SIL1: variants seen among roughly 807,000 people sequenced by gnomAD.
SIL1 encodes SIL1 nucleotide exchange factor, also known as nucleotide exchange factor SIL1.
A neutral mutation model predicts 49.1 loss-of-function variants in SIL1; 40 were observed. The ratio of observed to expected loss-of-function variants is 0.81; its 90% confidence interval spans 0.63 to 1.06. The LOEUF (loss-of-function observed/expected upper bound fraction) is 1.06. Ranked by LOEUF, SIL1 falls within the 50% of genes least tolerant of loss-of-function variation. The probability of loss-of-function intolerance (pLI) is 0.00; values close to 1 mark genes in which losing one functional copy is unlikely to be tolerated. For missense variants in SIL1, 500 were observed against 572.6 expected, an observed-to-expected ratio of 0.87 and a Z score of 1.29; for synonymous variants, 253 against 250.8, an observed-to-expected ratio of 1.01 and a Z score of -0.08.
chr5:139,010,206 A>C (rs1561826929), intron 7 of SIL1, among the ~76,000 whole-genome samples: 1 of 147,320 alleles, frequency 6.8e-6, no homozygotes, highest in Non-Finnish European at 1.5e-5. Context: ...GCTTCATTTC[A>C]TTCATTTCAT....
At chr5:139,037,519 T>C (rs1000348526) in intron 5 of SIL1, among the ~76,000 whole-genome samples, 8 of 152,346 alleles carry the variant, frequency 5.3e-5, no homozygotes, top group South Asian at 2.1e-4. Flanking sequence ...CCTAAAGCTC[T>C]GTTATTTTTT....
intron 3 of SIL1, among the ~76,000 whole-genome samples, chr5:139,115,253 T>A (rs561635697): frequency 6.5e-4 from 99 of 152,294 alleles, no homozygotes; most frequent in African/African-American, 2.2e-3. Flanking sequence ...TAATAAAAAA[T>A]ATGTGTAGTC....
At position 139,127,867 on chromosome 5, in the gene SIL1, C is replaced by T. The variant is rs1352979395; in HGVS notation, c.-10-14G>A. 1.3e-6 allele frequency: 2 copies of T among 1,500,912 alleles called. No homozygotes were observed. Among genetic ancestry groups the T allele is most frequent in the Non-Finnish European group, 1.8e-6 (2 of 1,091,522 alleles). 93.0% of individuals were successfully genotyped at this position (1,500,912 alleles called of 1,614,324 possible). Reference sequence around the variant, plus strand: ...ATAGTCAGGGACCTGCAGGTGCAAGCATAGACAACAGAAGGTCAATGAAAA... The same window carrying T: ...ATAGTCAGGGACCTGCAGGTGCAAGTATAGACAACAGAAGGTCAATGAAAA... On this transcript the variant is annotated splice_polypyrimidine_tract_variant and intron_variant, in intron 1 of 9. Coordinates refer to ENST00000394817, the MANE Select transcript of SIL1 (RefSeq NM_022464.5).
intron 1 of SIL1, among the ~76,000 whole-genome samples, chr5:139,174,301 C>T (rs1156323414): frequency 4.6e-5 from 7 of 151,542 alleles, no homozygotes; most frequent in South Asian, 4.2e-4. Flanking sequence ...GTTCAAGACC[C>T]GTCTGGGCAA....
At chr5:139,155,799 C>G (rs1751397166) in intron 1 of SIL1, among the ~76,000 whole-genome samples, 1 of 151,912 alleles carries the variant, frequency 6.6e-6, no homozygotes, top group Non-Finnish European at 1.5e-5. Flanking sequence ...CACAGGAGGC[C>G]AAGGCAGGCA....
rs1344657477 is a variant in SIL1 at position 139,021,250 on chromosome 5, C to A, written c.688G>T (p.Val230Leu). 1 of 1,614,196 alleles carries A rather than the reference C, an allele frequency of 6.2e-7. No homozygotes were observed. ...QDLLSFGGLQ[V>L]VINGLNSTEP... ...GTGCTGTTCAGCCCATTGATCACCA[C>A]TTGAAGACCACCAAAGGAAAGCAGG... Residue 230 changes from valine to leucine, a missense_variant, in exon 7 of 10, where the codon GTG becomes TTG. Transcript: ENST00000394817.
At chr5:139,056,128 A>G (rs1439482513) in intron 3 of SIL1, among the ~76,000 whole-genome samples, 5 of 147,280 alleles carry the variant, frequency 3.4e-5, no homozygotes, top group South Asian at 4.4e-4. Flanking sequence ...CTGCTTGGCC[A>G]CCCATCGTCT....
At chr5:138,974,968 A>T (rs528470656) in intron 7 of SIL1, among the ~76,000 whole-genome samples, 2 of 152,358 alleles carry the variant, frequency 1.3e-5, no homozygotes, top group African/African-American at 4.8e-5. Flanking sequence ...AGAGATATAC[A>T]GCAACAAGCT....
At chr5:139,064,583 C>T (rs1389348279) in intron 3 of SIL1, among the ~76,000 whole-genome samples, 1 of 152,210 alleles carries the variant, frequency 6.6e-6, no homozygotes, top group East Asian at 1.9e-4. Context: ...TAATGACAAT[C>T]CAAATTTTCT....
At chr5:138,990,058 G>A (rs892125500) in intron 7 of SIL1, among the ~76,000 whole-genome samples, 14 of 152,160 alleles carry the variant, frequency 9.2e-5, no homozygotes, top group African/African-American at 3.4e-4. Flanking sequence ...TAGGCACCAG[G>A]GCTTGCGTCT....
intron 7 of SIL1, among the ~76,000 whole-genome samples, chr5:138,966,517 G>A (rs1184317944): frequency 6.6e-6 from 1 of 152,008 alleles, no homozygotes; most frequent in African/African-American, 2.4e-5. Flanking sequence ...GTAGGGGGGT[G>A]GTGACTTTCC....
chr5:139,160,143 TCACACACA>T (rs57028301), intron 1 of SIL1, among the ~76,000 whole-genome samples: 4,210 of 137,792 alleles, frequency 0.031, 61 homozygotes, highest in Middle Eastern at 0.043. Context: ...ATTTCCACAA[TCACACACA>T]CACACACACA....
At chr5:138,978,189 T>C (rs1767433678) in intron 7 of SIL1, among the ~76,000 whole-genome samples, 1 of 137,904 alleles carries the variant, frequency 7.3e-6, no homozygotes, top group South Asian at 2.7e-4. Flanking sequence ...TGCCCCCCCA[T>C]ACCTATTACT....
chr5:139,001,944 C>T (rs1767993451), intron 7 of SIL1, among the ~76,000 whole-genome samples: 1 of 151,380 alleles, frequency 6.6e-6, no homozygotes, highest in Non-Finnish European at 1.5e-5. Context: ...GGAGTGATGG[C>T]TCACGGCTGT....
chr5:139,113,111 G>C (rs1770906359), intron 3 of SIL1, among the ~76,000 whole-genome samples: 1 of 151,796 alleles, frequency 6.6e-6, no homozygotes, highest in Admixed American at 6.6e-5. Context: ...TGCTCGTTAA[G>C]AGTCATCACC....
At chr5:139,132,772 G>A (rs112625609) in intron 1 of SIL1, among the ~76,000 whole-genome samples, 108 of 152,298 alleles carry the variant, frequency 7.1e-4, no homozygotes, top group African/African-American at 2.2e-3. Flanking sequence ...CTCAAGAAGT[G>A]GCAGGCATAG....
At position 138,989,367 on chromosome 5, in the gene SIL1, A is replaced by G. The variant is rs765158088; in HGVS notation, c.767+31804T>C. On this transcript the variant is annotated intron_variant, in intron 7 of 9. Transcript: ENST00000394817. ...AGTTCTAGACCAGCCTGGCCAACACAGTGAAACCCCATCTCTACCAAAAAT... is the reference window on the plus strand; with the variant it reads ...AGTTCTAGACCAGCCTGGCCAACACGGTGAAACCCCATCTCTACCAAAAAT... Among the ~76,000 whole-genome samples the G allele has an allele frequency of 5.9e-5, 9 of 152,174 alleles. No homozygotes were observed. The South Asian group carries it at 1.9e-3, about 32-fold the overall frequency.
chr5:139,021,375 C>A, intron 6 of SIL1, 83 bp from the exon 7 acceptor site: 1 of 1,564,590 alleles, frequency 6.4e-7, no homozygotes, highest in African/African-American at 1.4e-5. Context: ...GGTGACTACC[C>A]AAAAACAAAT....
intron 7 of SIL1, among the ~76,000 whole-genome samples, chr5:138,987,651 T>G (rs1767674262): frequency 6.6e-6 from 1 of 152,130 alleles, no homozygotes; most frequent in Non-Finnish European, 1.5e-5. Flanking sequence ...AGCATTAAAG[T>G]GACTGCCCTG....
Sources: gnomAD v4.1 joint callset for allele counts (sites outside exome capture counted in the v4.1 genomes callset) on GRCh38, gnomAD v4.1.1 for gene constraint, MANE v1.5 for transcripts, NCBI Gene and HGNC (gene_info 2026-07-23, HGNC 2026-07-21) for gene names.